CORO2B: variants seen among roughly 807,000 people sequenced by gnomAD.
CORO2B encodes the protein coronin-2B.
CORO2B carries 26 observed loss-of-function variants against 58.8 expected under a neutral mutation model. That is an observed-to-expected ratio of 0.44 (90% CI 0.32 to 0.61). The LOEUF is 0.61. Among genes scored for constraint, CORO2B ranks in the 20% least tolerant of loss-of-function variants. CORO2B has a pLI of 0.04. For synonymous variants in CORO2B, 242 were observed against 253.8 expected (o/e 0.95, Z 0.44); for missense variants, 460 against 645.1 (o/e 0.71, Z 3.11).
intron 1 of CORO2B, among the ~76,000 whole-genome samples, chr15:68,603,733 A>G (rs1446997159): frequency 1.3e-5 from 2 of 152,168 alleles, no homozygotes; most frequent in Non-Finnish European, 2.9e-5. Context: ...CAAACCAGGA[A>G]GAGAGGCCTC....
intron 1 of CORO2B, among the ~76,000 whole-genome samples, chr15:68,626,397 A>G (rs1441196822): frequency 4.6e-5 from 7 of 151,684 alleles, no homozygotes; most frequent in African/African-American, 7.3e-5. Flanking sequence ...AATTTAGAAC[A>G]TGCTTAATCA....
At chr15:68,717,526 G>A (rs1239375074) in intron 8 of CORO2B, among the ~76,000 whole-genome samples, 2 of 152,098 alleles carry the variant, frequency 1.3e-5, no homozygotes, top group African/African-American at 4.8e-5. Flanking sequence ...ATGGAGGGGT[G>A]GAGAGGAAAG....
At chr15:68,529,705 T>C in the CORO2B span, among the ~76,000 whole-genome samples, 3 of 152,238 alleles carry the variant, frequency 2.0e-5, no homozygotes, top group African/African-American at 7.2e-5. Flanking sequence ...CTCAATTGTA[T>C]GTAATTTGCT....
Position 68,714,007 on chromosome 15 carries a change from G to A in CORO2B, c.731G>A (p.Arg244Lys). The A allele has an allele frequency of 6.2e-7, 1 of 1,614,078 alleles. No individual in the cohort carries two copies. The highest frequency in any genetic ancestry group is 8.5e-7 in the Non-Finnish European group (1 of 1,179,956). ...CGGCTCCTCACGACAGGGGTCTCCAGGTGGAACACAAGACAGATTGCCCTC... is the reference window on the plus strand; with the variant it reads ...CGGCTCCTCACGACAGGGGTCTCCAAGTGGAACACAAGACAGATTGCCCTC... ...MKRLLTTGVS[R>K]WNTRQIALWD... The change falls in exon 6 of 12, where the codon AGG becomes AAG. Residue 244 changes from arginine to lysine, a missense_variant. Physicochemically the swap from Arg to Lys is conservative, Grantham distance 26 (BLOSUM62 2). Around this residue, in one of 2 missense-constraint regions of CORO2B, gnomAD observed 352 missense variants for 543.0 expected, o/e 0.65. Transcript: ENST00000261861.
chr15:68,715,329 T>A lies in CORO2B; in HGVS notation c.967+18T>A, dbSNP rs1430845369. On this transcript the variant is annotated intron_variant, in intron 8 of 11. Coordinates refer to ENST00000261861, the MANE Select transcript of CORO2B (RefSeq NM_006091.5). ...AGGCCTAGGTAAGTGGCCCCGAGGC[T>A]GCCACAGCTGGTGTGCTCATGGCAC... 1.9e-6 allele frequency: 3 copies of A among 1,570,756 alleles called. No homozygotes were observed. Among genetic ancestry groups the A allele is most frequent in the Non-Finnish European group, 2.6e-6 (3 of 1,140,948 alleles).
At chr15:68,518,620 C>T in the CORO2B span, among the ~76,000 whole-genome samples, 1 of 152,276 alleles carries the variant, frequency 6.6e-6, no homozygotes, top group East Asian at 1.9e-4. Context: ...GCACTGCACC[C>T]TTGCTGCCAG....
At chr15:68,678,136 C>T (rs886885675) in intron 2 of CORO2B, among the ~76,000 whole-genome samples, 5 of 152,338 alleles carry the variant, frequency 3.3e-5, no homozygotes, top group African/African-American at 9.6e-5. Context: ...GTACAGCACC[C>T]GTGCCACTGG....
At chr15:68,721,070 C>A (rs1893147819) in intron 11 of CORO2B, among the ~76,000 whole-genome samples, 1 of 151,998 alleles carries the variant, frequency 6.6e-6, no homozygotes, top group Non-Finnish European at 1.5e-5. Context: ...TTGGTAGAGA[C>A]AGGGTTTCAC....
intron 2 of CORO2B, among the ~76,000 whole-genome samples, chr15:68,652,805 A>G (rs1268403469): frequency 2.6e-5 from 4 of 152,236 alleles, no homozygotes; most frequent in African/African-American, 9.6e-5. Flanking sequence ...TTAAGACTGC[A>G]CGGCCCACAA....
intron 1 of CORO2B, among the ~76,000 whole-genome samples, chr15:68,628,308 C>A (rs1257854276): frequency 2.6e-5 from 4 of 152,150 alleles, no homozygotes; most frequent in Non-Finnish European, 5.9e-5. Flanking sequence ...TTTCTCTGTC[C>A]CTTCTTGCCT....
chr15:68,664,021 T>G (rs1341727479), intron 2 of CORO2B, among the ~76,000 whole-genome samples: 1 of 152,220 alleles, frequency 6.6e-6, no homozygotes, highest in South Asian at 2.1e-4. Context: ...CAAGTGTTGA[T>G]GAGGATGAGG....
intron 1 of CORO2B, among the ~76,000 whole-genome samples, chr15:68,602,368 A>G (rs1393332715): frequency 6.6e-6 from 1 of 151,042 alleles, no homozygotes; most frequent in East Asian, 1.9e-4. Flanking sequence ...GGGTTTTGCC[A>G]TGATTGAGAT....
chr15:68,712,002 A>T (rs945005729), intron 5 of CORO2B, among the ~76,000 whole-genome samples: 2 of 152,092 alleles, frequency 1.3e-5, no homozygotes, highest in African/African-American at 4.8e-5. Context: ...CAGTGCATAC[A>T]TCCCCAGGTG....
At chr15:68,606,060 G>A (rs1035465108) in intron 1 of CORO2B, among the ~76,000 whole-genome samples, 3 of 152,018 alleles carry the variant, frequency 2.0e-5, no homozygotes, top group East Asian at 1.9e-4. Context: ...CTGGGTGGGT[G>A]AAGCCTCGTT....
At chr15:68,574,860 C>G (rs1377266647), upstream of CORO2B, among the ~76,000 whole-genome samples, 3 of 152,114 alleles carry the variant, frequency 2.0e-5, no homozygotes, top group East Asian at 5.8e-4. Flanking sequence ...AATAGGAGTT[C>G]GCCATGCTGA....
intron 1 of CORO2B, among the ~76,000 whole-genome samples, chr15:68,620,118 G>T (rs1305855731): frequency 6.6e-6 from 1 of 152,056 alleles, no homozygotes; most frequent in East Asian, 1.9e-4. Context: ...CACCATGTTG[G>T]CCAGGCTGGT....
At chr15:68,689,361 C>T (rs546006649) in intron 2 of CORO2B, among the ~76,000 whole-genome samples, 8 of 151,688 alleles carry the variant, frequency 5.3e-5, no homozygotes, top group African/African-American at 9.7e-5. Context: ...TTCTGTGAGC[C>T]GACCATCTGA....
the CORO2B span, among the ~76,000 whole-genome samples, chr15:68,556,282 C>A: frequency 6.6e-6 from 1 of 152,172 alleles, no homozygotes; most frequent in Non-Finnish European, 1.5e-5. Context: ...CTTGGAGCAC[C>A]GGCCAGTGGC....
intron 2 of CORO2B, among the ~76,000 whole-genome samples, chr15:68,656,289 A>C (rs12102248): frequency 0.73 from 110,394 of 151,126 alleles, 40,712 homozygotes; most frequent in East Asian, 0.86. Flanking sequence ...CAAGAGACAG[A>C]TCTGTGACAT....
Sources: allele counts gnomAD v4.1 joint callset (sites outside exome capture counted in the v4.1 genomes callset), GRCh38; gene constraint gnomAD v4.1.1; regional missense constraint gnomAD v4.1.1; transcripts MANE v1.5; gene names NCBI Gene and HGNC (gene_info 2026-07-23, HGNC 2026-07-21).